Variants in SESTD1 observed in about 807,000 individuals in gnomAD.
SESTD1 encodes SEC14 domain and spectrin repeat-containing protein 1.
A neutral mutation model predicts 101.7 loss-of-function variants in SESTD1; 43 were observed. The ratio of observed to expected loss-of-function variants is 0.42; its 90% confidence interval spans 0.33 to 0.55. The LOEUF (loss-of-function observed/expected upper bound fraction) is 0.55. Among genes scored for constraint, SESTD1 ranks in the 20% least tolerant of loss-of-function variants. The pLI is 0.07. For missense variants in SESTD1, 647 were observed against 815.1 expected, an observed-to-expected ratio of 0.79 and a Z score of 2.51; for synonymous variants, 283 against 286.8, an observed-to-expected ratio of 0.99 and a Z score of 0.13.
At chr2:179,246,194 G>A (rs2047227730) in intron 1 of SESTD1, among the ~76,000 whole-genome samples, 1 of 142,268 alleles carries the variant, frequency 7.0e-6, no homozygotes, top group Non-Finnish European at 1.5e-5. Context: ...GGCAGAGGTT[G>A]CAGTGAGCCA....
chr2:179,236,253 T>C (rs576322969), intron 1 of SESTD1, among the ~76,000 whole-genome samples: 1 of 142,942 alleles, frequency 7.0e-6, no homozygotes, highest in South Asian at 2.2e-4. Context: ...TTTGGGAAGC[T>C]AAGACAGGAG....
chr2:179,263,502 T>A (rs985030216), intron 1 of SESTD1, among the ~76,000 whole-genome samples: 1 of 152,184 alleles, frequency 6.6e-6, no homozygotes, highest in East Asian at 1.9e-4. Flanking sequence ...AATTTAAATT[T>A]GACGGTTTGC....
chr2:179,119,308 A>G (rs1015227141), intron 13 of SESTD1, among the ~76,000 whole-genome samples: 5 of 152,344 alleles, frequency 3.3e-5, no homozygotes, highest in Admixed American at 3.3e-4. Context: ...ATAAGGGATG[A>G]GAAAGATGAA....
intron 6 of SESTD1, among the ~76,000 whole-genome samples, chr2:179,150,655 G>C (rs958364980): frequency 2.0e-5 from 3 of 151,738 alleles, no homozygotes; most frequent in Non-Finnish European, 4.4e-5. Flanking sequence ...CCCCGTCTCT[G>C]CTAAAAATAC....
chr2:179,143,080 T>C (rs2045315460), intron 9 of SESTD1, among the ~76,000 whole-genome samples: 1 of 152,058 alleles, frequency 6.6e-6, no homozygotes, highest in Non-Finnish European at 1.5e-5. Context: ...TTTAGTATTT[T>C]AGCCTACTTT....
At chr2:179,253,625 A>T (rs1295804748) in intron 1 of SESTD1, among the ~76,000 whole-genome samples, 1 of 152,248 alleles carries the variant, frequency 6.6e-6, no homozygotes. Flanking sequence ...CAGAAGCAGC[A>T]ATATAGGAAT....
chr2:179,191,985 A>G (rs1033093600), intron 1 of SESTD1, 119 bp from the exon 2 acceptor site: 9 of 706,624 alleles, frequency 1.3e-5, no homozygotes, highest in Admixed American at 1.1e-4. Flanking sequence ...TTTGAGCAAG[A>G]TAATTCTTTT....
Position 179,151,320 on chromosome 2 carries a change from C to T in SESTD1, c.441G>A (p.Gly147=). ...AGTCCATGTGATCATAGGTGAGACT[C>T]CCACCAAAATCTTCTGTTAATTGGC... ...EPCQLTEDFG[G]SLTYDHMDWL... The change falls in exon 6 of 18, where the codon GGG becomes GGA. Residue 147 remains glycine (G), a synonymous_variant. Transcript: ENST00000428443. 1 of 1,608,402 alleles carries T rather than the reference C, an allele frequency of 6.2e-7. No homozygotes were observed. Among genetic ancestry groups the T allele is most frequent in the Non-Finnish European group, 8.5e-7 (1 of 1,177,566 alleles).
chr2:179,125,640 A>C (rs1053499196), intron 10 of SESTD1, among the ~76,000 whole-genome samples: 5 of 152,228 alleles, frequency 3.3e-5, no homozygotes, highest in African/African-American at 1.2e-4. Flanking sequence ...AAAAGGATTG[A>C]CAGATCTCTT....
rs1395993454 is a variant in SESTD1, at chr2:179,107,293, G to A, written c.*2606C>T. On this transcript the variant is annotated 3_prime_UTR_variant, in exon 18 of 18. Transcript: ENST00000428443. ...GCAGCAGCAAATTTACAGATGAGGA[G>A]CAATGATATTCATTATGTTAAAATC... The A allele has an allele frequency of 1.3e-5, 2 of 152,112 alleles. No homozygotes were observed. Among genetic ancestry groups the A allele is most frequent in the African/African-American group, 4.8e-5 (2 of 41,420 alleles). 9.4% of individuals were successfully genotyped at this position (152,112 alleles called of 1,614,324 possible).
chr2:179,151,678 T>A (rs1427616219), intron 5 of SESTD1, among the ~76,000 whole-genome samples: 2 of 152,102 alleles, frequency 1.3e-5, no homozygotes, highest in East Asian at 3.9e-4. Context: ...GTAATAAAAA[T>A]CAATAATCAA....
At chr2:179,158,865 A>G (rs917277401) in intron 5 of SESTD1, among the ~76,000 whole-genome samples, 28 of 152,334 alleles carry the variant, frequency 1.8e-4, no homozygotes, top group African/African-American at 6.7e-4. Context: ...TATGTGGGGG[A>G]AAAGCAACAG....
chr2:179,155,687 T>TA (rs575946829), intron 5 of SESTD1, among the ~76,000 whole-genome samples: 49 of 152,196 alleles, frequency 3.2e-4, no homozygotes, highest in Non-Finnish European at 5.7e-4. Flanking sequence ...ATATTCTATT[T>TA]AAATACTGAC....
intron 5 of SESTD1, among the ~76,000 whole-genome samples, chr2:179,157,066 TG>T (rs775454546): frequency 1.3e-5 from 2 of 152,198 alleles, no homozygotes; most frequent in Non-Finnish European, 2.9e-5. Flanking sequence ...CAGCACCATT[TG>T]TTGAAAAGGG....
At chr2:179,234,500 G>A (rs557609965) in intron 1 of SESTD1, among the ~76,000 whole-genome samples, 2 of 152,266 alleles carry the variant, frequency 1.3e-5, no homozygotes, top group African/African-American at 4.8e-5. Flanking sequence ...GGCTCAGGCC[G>A]GACGCAGTGG....
chr2:179,103,386 T>C lies in SESTD1; in HGVS notation c.*6513A>G, dbSNP rs531920597. 1.3e-5 allele frequency: 2 copies of C among 152,252 alleles called. No homozygotes were observed. The highest frequency in any genetic ancestry group is 1.9e-4 in the East Asian group (1 of 5,180). The allele number at this position is 152,252 out of a possible 1,614,324, so 9.4% of individuals were successfully genotyped here. On this transcript the variant is annotated 3_prime_UTR_variant, in exon 18 of 18. Transcript: ENST00000428443. Reference sequence around the variant, plus strand: ...AATAAAACTGAACTGGAAAAAGGTATGGCAGTTTCTTTTAAAACTACCCTG... The same window carrying C: ...AATAAAACTGAACTGGAAAAAGGTACGGCAGTTTCTTTTAAAACTACCCTG...
chr2:179,221,463 A>G (rs2046813698), intron 1 of SESTD1, among the ~76,000 whole-genome samples: 1 of 151,956 alleles, frequency 6.6e-6, no homozygotes, highest in Non-Finnish European at 1.5e-5. Flanking sequence ...AAATACAAAA[A>G]TTAGCCAGGC....
At chr2:179,115,654 A>G (rs904270408) in intron 15 of SESTD1, among the ~76,000 whole-genome samples, 2 of 152,136 alleles carry the variant, frequency 1.3e-5, no homozygotes, top group African/African-American at 4.8e-5. Flanking sequence ...AGGCTGAGGC[A>G]GGAGGATCAC....
At chr2:179,198,364 T>C (rs1430599543) in intron 1 of SESTD1, among the ~76,000 whole-genome samples, 1 of 152,138 alleles carries the variant, frequency 6.6e-6, no homozygotes, top group African/African-American at 2.4e-5. Context: ...TGGGAGACTT[T>C]AACACCCCAC....
Sources: allele counts gnomAD v4.1 joint callset (sites outside exome capture counted in the v4.1 genomes callset), GRCh38; gene constraint gnomAD v4.1.1; transcripts MANE v1.5; gene names NCBI Gene and HGNC (gene_info 2026-07-23, HGNC 2026-07-21).